PLXDC2: variants seen among roughly 807,000 people sequenced by gnomAD.
The protein encoded by PLXDC2 is plexin domain containing 2.
Under a neutral mutation model 68.9 loss-of-function variants are expected in PLXDC2, and 40 were observed. The ratio of observed to expected loss-of-function variants is 0.58; its 90% CI spans 0.45 to 0.76. PLXDC2 has a LOEUF of 0.76. PLXDC2 is among the 30% of genes least tolerant of loss of function. The pLI, the probability that PLXDC2 is intolerant of heterozygous loss-of-function variation, is 0.00. For synonymous variants in PLXDC2, 243 were observed against 234.2 expected, an observed-to-expected ratio of 1.04 and a Z score of -0.34; for missense variants, 644 against 661.9, an observed-to-expected ratio of 0.97 and a Z score of 0.30.
chr10:20,064,728 C>G (rs898896530), intron 3 of PLXDC2, among the ~76,000 whole-genome samples: 3 of 152,130 alleles, frequency 2.0e-5, no homozygotes, highest in African/African-American at 7.2e-5. Context: ...AGCTAGAAAT[C>G]TTAGAAACCT....
intron 9 of PLXDC2, among the ~76,000 whole-genome samples, chr10:20,210,280 G>A (rs1350639044): frequency 1.3e-5 from 2 of 152,022 alleles, no homozygotes; most frequent in Non-Finnish European, 2.9e-5. Context: ...TAAGAATATA[G>A]TATAATAAAA....
chr10:20,225,156 A>C (rs1010082319), intron 12 of PLXDC2, among the ~76,000 whole-genome samples: 4 of 152,148 alleles, frequency 2.6e-5, no homozygotes, highest in African/African-American at 9.7e-5. Context: ...TTAGCTTTCT[A>C]TTTCTGAAGA....
intron 1 of PLXDC2, among the ~76,000 whole-genome samples, chr10:19,890,931 A>G (rs781364003): frequency 1.3e-5 from 2 of 151,984 alleles, no homozygotes; most frequent in Non-Finnish European, 2.9e-5. Flanking sequence ...ACTTGAAACT[A>G]TTCAGCTCCA....
intron 5 of PLXDC2, among the ~76,000 whole-genome samples, 158 bp from the exon 6 acceptor site, chr10:20,147,626 C>G (rs1834096987): frequency 6.6e-6 from 1 of 152,122 alleles, no homozygotes; most frequent in African/African-American, 2.4e-5. Context: ...ATCCCAAATG[C>G]TATTTCAATA....
intron 1 of PLXDC2, among the ~76,000 whole-genome samples, chr10:19,878,820 T>C (rs1442625890): frequency 6.6e-6 from 1 of 152,218 alleles, no homozygotes; most frequent in Non-Finnish European, 1.5e-5. Flanking sequence ...AGAGAAGATA[T>C]ATAAAACGAA....
chr10:20,260,130 T>C (rs940902768), intron 13 of PLXDC2, among the ~76,000 whole-genome samples: 4 of 152,192 alleles, frequency 2.6e-5, no homozygotes, highest in Admixed American at 6.5e-5. Context: ...ATATCCATAG[T>C]GAAGTGATTG....
At chr10:19,930,669 A>T (rs796440189) in intron 1 of PLXDC2, among the ~76,000 whole-genome samples, 3 of 152,254 alleles carry the variant, frequency 2.0e-5, no homozygotes, top group South Asian at 2.1e-4. Flanking sequence ...AATAAATAAA[A>T]AATAAAAAAA....
intron 4 of PLXDC2, among the ~76,000 whole-genome samples, chr10:20,137,108 T>C (rs977006118): frequency 6.6e-6 from 1 of 152,228 alleles, no homozygotes; most frequent in Non-Finnish European, 1.5e-5. Flanking sequence ...TAGATACATG[T>C]CATACATTTA....
chr10:19,903,717 T>C (rs1394382546), intron 1 of PLXDC2, among the ~76,000 whole-genome samples: 3 of 129,536 alleles, frequency 2.3e-5, no homozygotes, highest in Non-Finnish European at 5.0e-5. Context: ...TTTTTTTTTC[T>C]GGTGGGTTTA....
At position 20,092,889 on chromosome 10, in the gene PLXDC2, A is replaced by G. The variant is rs140881313; in HGVS notation, c.541+24650A>G. Reference sequence around the variant, plus strand: ...ACAAGTCAAGGGATGCCAGCCCCCAACAGAAGGCAGAAGAGATAAAGAACA... The same window carrying G: ...ACAAGTCAAGGGATGCCAGCCCCCAGCAGAAGGCAGAAGAGATAAAGAACA... On this transcript the variant is annotated intron_variant, in intron 4 of 13. Transcript: ENST00000377252. 6.8e-3 allele frequency among the ~76,000 whole-genome samples: 1,039 copies of G among 152,182 alleles called. 7 individuals are homozygous for G. Among genetic ancestry groups the G allele is most frequent in the Non-Finnish European group, 0.011 (762 of 68,010 alleles).
At chr10:19,889,884 T>G (rs1837919400) in intron 1 of PLXDC2, among the ~76,000 whole-genome samples, 1 of 152,192 alleles carries the variant, frequency 6.6e-6, no homozygotes, top group African/African-American at 2.4e-5. Flanking sequence ...CACTGAGTTC[T>G]CACAAAAATA....
chr10:20,276,044 G>C (rs186243663), intron 13 of PLXDC2, among the ~76,000 whole-genome samples: 6 of 152,260 alleles, frequency 3.9e-5, no homozygotes, highest in African/African-American at 1.4e-4. Flanking sequence ...CCTACACTGG[G>C]AAGTGATCCC....
chr10:19,983,549 T>A (rs1233802052), intron 1 of PLXDC2, among the ~76,000 whole-genome samples: 1 of 152,180 alleles, frequency 6.6e-6, no homozygotes, highest in African/African-American at 2.4e-5. Flanking sequence ...TCTGGTGTAA[T>A]AGCTGCTCTT....
At chr10:20,154,593 C>A (rs998104891) in intron 6 of PLXDC2, among the ~76,000 whole-genome samples, 5 of 151,498 alleles carry the variant, frequency 3.3e-5, no homozygotes, top group African/African-American at 1.2e-4. Context: ...TTTAAAAAAT[C>A]CTGGAGATTT....
At chr10:20,181,617 C>T (rs966985426) in intron 9 of PLXDC2, among the ~76,000 whole-genome samples, 5 of 151,928 alleles carry the variant, frequency 3.3e-5, no homozygotes, top group African/African-American at 7.2e-5. Flanking sequence ...GAATGGCCCA[C>T]GCACTGGCCC....
chr10:20,005,798 G>T (rs1017748760), intron 2 of PLXDC2, among the ~76,000 whole-genome samples: 3 of 152,112 alleles, frequency 2.0e-5, no homozygotes, highest in African/African-American at 7.2e-5. Context: ...CTCCCACCAG[G>T]CCCCACCTCC....
intron 2 of PLXDC2, among the ~76,000 whole-genome samples, chr10:20,037,607 T>A (rs1835601129): frequency 6.8e-6 from 1 of 148,070 alleles, no homozygotes. Flanking sequence ...AAGTAAAAAA[T>A]ACACTCTATT....
intron 1 of PLXDC2, among the ~76,000 whole-genome samples, chr10:19,930,899 G>T (rs1833619398): frequency 6.6e-6 from 1 of 152,130 alleles, no homozygotes; most frequent in Non-Finnish European, 1.5e-5. Context: ...AGAAGGCAGA[G>T]GTTGCAGTGA....
chr10:20,003,197 C>A (rs972557523), intron 2 of PLXDC2, among the ~76,000 whole-genome samples: 1 of 152,148 alleles, frequency 6.6e-6, no homozygotes, highest in African/African-American at 2.4e-5. Flanking sequence ...ACAACAGAAA[C>A]AAGCAAGTAA....
Sources: gnomAD v4.1 joint callset for allele counts (sites outside exome capture counted in the v4.1 genomes callset) on GRCh38, gnomAD v4.1.1 for gene constraint, MANE v1.5 for transcripts, NCBI Gene and HGNC (gene_info 2026-07-23, HGNC 2026-07-21) for gene names.